DZIP1L: variants seen among roughly 807,000 people sequenced by gnomAD.
The protein encoded by DZIP1L is cilium assembly protein DZIP1L.
DZIP1L carries 90 observed loss-of-function variants against 88.7 expected under a neutral mutation model. That is an observed-to-expected ratio of 1.02 (90% confidence interval 0.86 to 1.21). DZIP1L has a LOEUF of 1.21. Ranked by LOEUF, DZIP1L falls within the 50% of genes most tolerant of loss-of-function variation. DZIP1L has a pLI of 0.00. For missense variants in DZIP1L, 932 were observed against 955.8 expected (o/e 0.98, Z 0.33); for synonymous variants, 363 against 372.1 (o/e 0.98, Z 0.28).
chr3:138,088,748 T>C (rs1944068135), intron 5 of DZIP1L: 1 of 1,171,528 alleles, frequency 8.5e-7, no homozygotes, highest in Admixed American at 4.5e-5. Flanking sequence ...TTAAAGAGTG[T>C]AGTTTCCATT....
chr3:138,089,156 G>A, intron 5 of DZIP1L: 1 of 985,378 alleles, frequency 1.0e-6, no homozygotes, highest in Non-Finnish European at 1.2e-6. Flanking sequence ...CCCTATTAAG[G>A]CTTTAAGGAT....
At chr3:138,103,015 T>C in intron 2 of DZIP1L, 1 of 444,070 alleles carries the variant, frequency 2.3e-6, no homozygotes, top group East Asian at 4.7e-5. Flanking sequence ...TTAATACACC[T>C]TTTTATACAT....
chr3:138,109,404 T>C (rs766837589), intron 1 of DZIP1L, among the ~76,000 whole-genome samples: 3 of 152,192 alleles, frequency 2.0e-5, no homozygotes, highest in Non-Finnish European at 4.4e-5. Context: ...CTAGCCTCTA[T>C]TCTATGCTGC....
At chr3:138,089,549 A>G (rs1297724477) in intron 5 of DZIP1L, among the ~76,000 whole-genome samples, 2 of 152,230 alleles carry the variant, frequency 1.3e-5, no homozygotes, top group Admixed American at 6.5e-5. Context: ...AATATTTTCA[A>G]TATACATATA....
At chr3:138,067,923 G>T (rs567721742) in intron 13 of DZIP1L, among the ~76,000 whole-genome samples, 1 of 152,278 alleles carries the variant, frequency 6.6e-6, no homozygotes, top group East Asian at 1.9e-4. Flanking sequence ...TCTGGAGGGG[G>T]AACGGGTTTG....
chr3:138,102,553 T>G, intron 2 of DZIP1L: 1 of 1,411,380 alleles, frequency 7.1e-7, no homozygotes, highest in Non-Finnish European at 1.0e-6. Context: ...GAGGCTCCAG[T>G]TGGTCTCCAG....
chr3:138,101,729 G>C (rs2042319729), intron 2 of DZIP1L: 9 of 879,010 alleles, frequency 1.0e-5, no homozygotes, highest in Admixed American at 5.1e-5. Flanking sequence ...TCAGACTCCA[G>C]CCGGCTTTCC....
chr3:138,114,906 A>T (rs1158262371), intron 1 of DZIP1L, among the ~76,000 whole-genome samples: 1 of 152,142 alleles, frequency 6.6e-6, no homozygotes, highest in African/African-American at 2.4e-5. Context: ...ATTGCTTTTA[A>T]ATCACCTCAT....
At position 138,092,481 on chromosome 3, in the gene DZIP1L, G is replaced by C. The variant is rs757232364; in HGVS notation, c.772C>G (p.Gln258Glu). Residue 258 changes from glutamine to glutamate, a missense_variant, in exon 5 of 16, where the codon CAA (glutamine) becomes GAA (glutamate). Coordinates refer to ENST00000327532, the MANE Select transcript of DZIP1L (RefSeq NM_173543.3). Reference protein sequence around the residue: ...AKKEFDKWKEQEWTKLYGEID... With the variant: ...AKKEFDKWKEEEWTKLYGEID... ...TCCCCATAAAGTTTGGTCCACTCTT[G>C]CTCTTTCCATTTATCAAATTCTTTC... The C allele has an allele frequency of 6.9e-6, 11 of 1,602,684 alleles. No homozygotes were observed. Among genetic ancestry groups the C allele is most frequent in the Non-Finnish European group, 9.4e-6 (11 of 1,176,430 alleles).
At position 138,103,509 on chromosome 3, in the gene DZIP1L, G is replaced by A. The variant is rs1135402755; in HGVS notation, c.463C>T (p.Gln155Ter). The change falls in exon 2 of 16, where the codon CAG (glutamine) becomes TAG (stop). Residue 155 changes from glutamine to a stop codon, truncating the protein, a stop_gained. Transcript: ENST00000327532. LOFTEE classifies it high-confidence loss of function. ...TGGGTGCCTGTCTGCATTAGCAGCT[G>A]CTGCAGGGTGCTGATCATCTTGCGA... ...RRRKMISTLQ[Q>*]LLMQTGTHSY... 2 of 1,609,734 alleles carry A rather than the reference G, an allele frequency of 1.2e-6. No individual in the cohort carries two copies. The highest frequency in any genetic ancestry group is 8.5e-7 in the Non-Finnish European group (1 of 1,178,026).
chr3:138,085,069 T>C (rs1454001359), intron 7 of DZIP1L, among the ~76,000 whole-genome samples: 1 of 152,238 alleles, frequency 6.6e-6, no homozygotes, highest in African/African-American at 2.4e-5. Flanking sequence ...GGTAGCGTGA[T>C]GCCTCCACTT....
intron 1 of DZIP1L, among the ~76,000 whole-genome samples, chr3:138,107,986 C>T (rs547404393): frequency 6.6e-6 from 1 of 152,264 alleles, no homozygotes; most frequent in Admixed American, 6.5e-5. Context: ...ATAAGCACCC[C>T]CACCATGGCC....
intron 1 of DZIP1L, among the ~76,000 whole-genome samples, chr3:138,111,541 G>C (rs2107873012): frequency 6.6e-6 from 1 of 152,270 alleles, no homozygotes; most frequent in South Asian, 2.1e-4. Flanking sequence ...TACACTCTGA[G>C]CATACTCCAT....
chr3:138,064,271 G>A, intron 15 of DZIP1L: 2 of 931,626 alleles, frequency 2.1e-6, no homozygotes, highest in Non-Finnish European at 2.8e-6. Context: ...CAGAGTGAGG[G>A]ACTGGGGAGG....
At chr3:138,082,168 G>A (rs1943692059) in intron 8 of DZIP1L, among the ~76,000 whole-genome samples, 1 of 152,220 alleles carries the variant, frequency 6.6e-6, no homozygotes, top group Non-Finnish European at 1.5e-5. Context: ...CTGGGAGGAA[G>A]GAGTCAGACA....
At chr3:138,077,028 A>G (rs1282455794) in intron 11 of DZIP1L, among the ~76,000 whole-genome samples, 2 of 152,190 alleles carry the variant, frequency 1.3e-5, no homozygotes, top group Non-Finnish European at 2.9e-5. Flanking sequence ...CTTCTCAAAA[A>G]AAAAAACAAA....
intron 1 of DZIP1L, among the ~76,000 whole-genome samples, chr3:138,109,670 T>C (rs754619433): frequency 2.0e-5 from 3 of 152,232 alleles, no homozygotes; most frequent in Non-Finnish European, 4.4e-5. Flanking sequence ...ATATATTTAT[T>C]GCAGCACTAT....
chr3:138,104,271 G>T (rs141426597), intron 1 of DZIP1L, among the ~76,000 whole-genome samples: 1 of 152,352 alleles, frequency 6.6e-6, no homozygotes, highest in Non-Finnish European at 1.5e-5. Context: ...GCAAGTCCCT[G>T]CACATCTTTA....
At chr3:138,102,756 A>C in intron 2 of DZIP1L, 1 of 779,564 alleles carries the variant, frequency 1.3e-6, no homozygotes. Flanking sequence ...TGGCCCCACC[A>C]TAGCCTCCGC....
Sources: gnomAD v4.1 joint callset for allele counts (sites outside exome capture counted in the v4.1 genomes callset) on GRCh38, gnomAD v4.1.1 for gene constraint, MANE v1.5 for transcripts, NCBI Gene and HGNC (gene_info 2026-07-23, HGNC 2026-07-21) for gene names.